The following MRPL1 variants were observed in gnomAD, a reference collection of about 807,000 sequenced individuals.
The protein encoded by MRPL1 is mitochondrial ribosomal protein L1, also known as large ribosomal subunit protein uL1m.
A neutral mutation model predicts 38.0 loss-of-function variants in MRPL1; 28 were observed. That is an observed-to-expected ratio of 0.74 (90% CI 0.55 to 1.01). MRPL1 has a LOEUF of 1.01. Ranked by LOEUF, MRPL1 falls within the 50% of genes least tolerant of loss-of-function variation. The probability of loss-of-function intolerance (pLI) is 0.00; values close to 1 mark genes in which losing one functional copy is unlikely to be tolerated. For synonymous variants in MRPL1, 123 were observed against 126.7 expected (o/e 0.97, Z 0.20); for missense variants, 358 against 389.8 (o/e 0.92, Z 0.69).
intron 2 of MRPL1, among the ~76,000 whole-genome samples, chr4:77,876,281 G>A (rs1177615929): frequency 6.6e-6 from 1 of 152,074 alleles, no homozygotes; most frequent in Non-Finnish European, 1.5e-5. Context: ...CCTCTTTACT[G>A]TATTTCTGGC....
At chr4:77,910,922 CT>C (rs1736273481) in intron 7 of MRPL1, among the ~76,000 whole-genome samples, 2 of 152,244 alleles carry the variant, frequency 1.3e-5, no homozygotes, top group South Asian at 4.1e-4. Flanking sequence ...GACAGTACTT[CT>C]TGTTTCTTAG....
intron 5 of MRPL1, among the ~76,000 whole-genome samples, chr4:77,888,791 C>T (rs1245962003): frequency 1.3e-5 from 2 of 151,998 alleles, no homozygotes; most frequent in African/African-American, 4.8e-5. Flanking sequence ...TATATATGTA[C>T]CATGTTGGTG....
Position 77,862,859 on chromosome 4 carries a change from C to G in MRPL1, c.11C>G (p.Ala4Gly), listed in dbSNP as rs28695846. The G allele has an allele frequency of 0.013, 21,313 of 1,614,072 alleles. 183 individuals carry two copies. Among genetic ancestry groups the G allele is most frequent in the Non-Finnish European group, 0.016 (18,500 of 1,179,994 alleles). The change falls in exon 1 of 9, where the codon GCC becomes GGC. Residue 4 changes from alanine to glycine, a missense_variant. Ala to Gly is a moderately conservative substitution (Grantham distance 60). Transcript: ENST00000315567. ...TCCGGAGTGCCCAACATGGCGGCGG[C>G]CGTAAGGTGCATGGGTAGAGGTAAG... MAA[A>G]VRCMGRALIH...
intron 1 of MRPL1, among the ~76,000 whole-genome samples, chr4:77,869,809 T>C (rs570102224): frequency 1.3e-5 from 2 of 152,250 alleles, no homozygotes; most frequent in African/African-American, 2.4e-5. Context: ...CAGGCTGGTC[T>C]CAAACTCCTG....
chr4:77,910,362 G>T (rs1041020008), intron 7 of MRPL1, among the ~76,000 whole-genome samples: 4 of 152,132 alleles, frequency 2.6e-5, no homozygotes, highest in African/African-American at 7.2e-5. Context: ...GGGGAATTCT[G>T]CATTATAGCT....
In MRPL1 at chr4:77,871,841, T is replaced by A; in HGVS notation, c.129T>A (p.Phe43Leu). Reference protein sequence around the residue: ...SVNIRVPNRHFAAATKSAKKT... With the variant: ...SVNIRVPNRHLAAATKSAKKT... ...ACATCCGAGTGCCCAACAGACATTTTGCTGCTGCTACAAAGTAAGTATTTT... is the reference window on the plus strand; with the variant it reads ...ACATCCGAGTGCCCAACAGACATTTAGCTGCTGCTACAAAGTAAGTATTTT... Residue 43 changes from phenylalanine to leucine, a missense_variant, in exon 2 of 9, where the codon TTT (phenylalanine) becomes TTA (leucine). Coordinates refer to ENST00000315567, the MANE Select transcript of MRPL1 (RefSeq NM_020236.4). The A allele has an allele frequency of 6.3e-7, 1 of 1,591,666 alleles. No homozygotes were observed. The highest frequency in any genetic ancestry group is 1.2e-5 in the South Asian group (1 of 85,724).
intron 3 of MRPL1, 114 bp downstream of exon 3, chr4:77,883,614 G>A: frequency 8.8e-7 from 1 of 1,134,260 alleles, no homozygotes; most frequent in Non-Finnish European, 1.2e-6. Context: ...TTCTTGCCGT[G>A]TTGCCCAGGC....
At chr4:77,883,147 C>A in intron 2 of MRPL1, 95 bp from the exon 3 acceptor site, 1 of 774,760 alleles carries the variant, frequency 1.3e-6, no homozygotes, top group Non-Finnish European at 1.9e-6. Context: ...ATAATTCATC[C>A]TTTGTTTTTT....
intron 7 of MRPL1, among the ~76,000 whole-genome samples, chr4:77,915,802 C>T (rs1383700977): frequency 6.6e-6 from 1 of 152,200 alleles, no homozygotes; most frequent in African/African-American, 2.4e-5. Context: ...AAATCAAATG[C>T]TCATATCAGT....
intron 7 of MRPL1, among the ~76,000 whole-genome samples, chr4:77,909,700 C>A (rs1736243334): frequency 6.6e-6 from 1 of 151,844 alleles, no homozygotes; most frequent in African/African-American, 2.4e-5. Flanking sequence ...TTTGTATGTC[C>A]CCCTAATCAA....
chr4:77,899,529 A>G (rs973360235), intron 6 of MRPL1, among the ~76,000 whole-genome samples: 1 of 152,056 alleles, frequency 6.6e-6, no homozygotes, highest in Non-Finnish European at 1.5e-5. Flanking sequence ...TTGCTCTCTC[A>G]GTTATCACAG....
At position 77,871,817 on chromosome 4, in the gene MRPL1, C is replaced by T. The variant is rs1349812274; in HGVS notation, c.105C>T (p.Asn35=). ...YQTSLCSCSV[N]IRVPNRHFAA... ...CATCACTTTGTTCTTGTTCTGTAAA[C>T]ATCCGAGTGCCCAACAGACATTTTG... The change falls in exon 2 of 9, where the codon AAC becomes AAT. Residue 35 remains asparagine (N), a synonymous_variant. Transcript: ENST00000315567. 2 of 1,603,900 alleles carry T rather than the reference C, an allele frequency of 1.2e-6. No individual in the cohort carries two copies. The highest frequency in any genetic ancestry group is 4.5e-5 in the East Asian group (2 of 44,320).
chr4:77,941,292 G>A (rs1209435053), intron 7 of MRPL1, among the ~76,000 whole-genome samples: 15 of 150,462 alleles, frequency 1.0e-4, no homozygotes, highest in Non-Finnish European at 5.9e-5. Flanking sequence ...GAGGATTTTT[G>A]CATCTATATT....
intron 7 of MRPL1, among the ~76,000 whole-genome samples, chr4:77,944,293 C>T (rs1190030563): frequency 6.6e-6 from 1 of 152,214 alleles, no homozygotes; most frequent in Non-Finnish European, 1.5e-5. Flanking sequence ...TCTCTGGGGC[C>T]TGTCGCAGCA....
At chr4:77,932,122 GCTCAAGAAA>G (rs1184372253) in intron 7 of MRPL1, among the ~76,000 whole-genome samples, 1 of 152,192 alleles carries the variant, frequency 6.6e-6, no homozygotes, top group Non-Finnish European at 1.5e-5. Flanking sequence ...TATTCAGCCT[GCTCAAGAAA>G]CTCAATCTGC....
chr4:77,897,478 G>T (rs1735944710), intron 6 of MRPL1, among the ~76,000 whole-genome samples: 1 of 152,204 alleles, frequency 6.6e-6, no homozygotes, highest in Non-Finnish European at 1.5e-5. Context: ...ACCATACTAA[G>T]TTATTGTCAG....
intron 6 of MRPL1, among the ~76,000 whole-genome samples, chr4:77,902,494 A>C (rs758634816): frequency 6.6e-6 from 1 of 152,134 alleles, no homozygotes; most frequent in Non-Finnish European, 1.5e-5. Flanking sequence ...AACCCAAATT[A>C]AGTACAAGGA....
At chr4:77,904,751 G>A (rs1736116054) in intron 6 of MRPL1, among the ~76,000 whole-genome samples, 1 of 152,126 alleles carries the variant, frequency 6.6e-6, no homozygotes, top group South Asian at 2.1e-4. Flanking sequence ...CAGCAAAGGT[G>A]TCAAGGTTAT....
At chr4:77,945,128 A>AATAATT (rs751378508) in intron 7 of MRPL1, among the ~76,000 whole-genome samples, 12 of 141,092 alleles carry the variant, frequency 8.5e-5, no homozygotes, top group East Asian at 8.3e-4. Context: ...CTGCACCATC[A>AATAATT]ATTATTATTA....
Sources: allele counts gnomAD v4.1 joint callset (sites outside exome capture counted in the v4.1 genomes callset), GRCh38; gene constraint gnomAD v4.1.1; transcripts MANE v1.5; gene names NCBI Gene and HGNC (gene_info 2026-07-23, HGNC 2026-07-21).